The following ARHGAP24 variants were observed in gnomAD, a reference collection of about 807,000 sequenced individuals.
ARHGAP24 encodes the protein Rho GTPase activating protein 24, also known as rho GTPase-activating protein 24.
A neutral mutation model predicts 76.4 loss-of-function variants in ARHGAP24; 50 were observed. The ratio of observed to expected loss-of-function variants is 0.65; its 90% CI spans 0.52 to 0.83. The LOEUF is 0.83. ARHGAP24 is among the 40% of genes least tolerant of loss of function. ARHGAP24 has a pLI of 0.00. For synonymous variants in ARHGAP24, 345 were observed against 323.3 expected (o/e 1.07, Z -0.72); for missense variants, 930 against 914.2 (o/e 1.02, Z -0.22).
At chr4:85,538,385 T>C (rs540933336) in intron 1 of ARHGAP24, among the ~76,000 whole-genome samples, 1 of 152,350 alleles carries the variant, frequency 6.6e-6, no homozygotes, top group Admixed American at 6.5e-5. Flanking sequence ...GGTTAAATTA[T>C]ATGATATTGC....
Position 86,000,463 on chromosome 4 carries a change from C to T in ARHGAP24, c.2004-16C>T, listed in dbSNP as rs766920418. 1.1e-6 allele frequency: 1 copy of T among 942,370 alleles called. No homozygotes were observed. The highest frequency in any genetic ancestry group is 1.6e-6 in the Non-Finnish European group (1 of 638,232). 58.4% of individuals were successfully genotyped at this position (942,370 alleles called of 1,614,324 possible). On this transcript the variant is annotated splice_polypyrimidine_tract_variant and intron_variant, in intron 9 of 9. Coordinates refer to ENST00000395184, the MANE Select transcript of ARHGAP24 (RefSeq NM_001025616.3). The stretch of plus-strand genomic sequence containing the variant: ...CTTGCGTCCCCACCCCCCACCCCCC[C>T]CAACATCCTTTGTAGCTTAGAACAG...
rs149242594 is a variant in ARHGAP24, at chr4:85,543,020, C to T, written c.-20-27502C>T. On this transcript the variant is annotated intron_variant, in intron 1 of 9. Coordinates refer to ENST00000395184, the MANE Select transcript of ARHGAP24 (RefSeq NM_001025616.3). ...CGTTTGCTCTTGAAGCTGCTGCTAA[C>T]GATGCTGCTGCTAATTTTAGCTGTA... 2.5e-3 allele frequency among the ~76,000 whole-genome samples: 382 copies of T among 152,242 alleles called. 3 individuals carry two copies. The highest frequency in any genetic ancestry group is 8.8e-3 in the African/African-American group (366 of 41,558).
chr4:85,644,997 G>T (rs1359717490), intron 2 of ARHGAP24, among the ~76,000 whole-genome samples: 1 of 151,986 alleles, frequency 6.6e-6, no homozygotes, highest in East Asian at 1.9e-4. Flanking sequence ...AACGTGCTCT[G>T]TTACTTTAAA....
At chr4:85,735,678 C>G (rs1725581329) in intron 3 of ARHGAP24, among the ~76,000 whole-genome samples, 1 of 152,098 alleles carries the variant, frequency 6.6e-6, no homozygotes, top group Non-Finnish European at 1.5e-5. Flanking sequence ...AGTCTTGGTC[C>G]TCTTTGTCCT....
At chr4:85,622,158 A>T (rs557509139) in intron 2 of ARHGAP24, among the ~76,000 whole-genome samples, 17 of 151,892 alleles carry the variant, frequency 1.1e-4, no homozygotes, top group Non-Finnish European at 2.2e-4. Flanking sequence ...CAGGTTTGTT[A>T]CATATGTATA....
chr4:85,992,877 C>G (rs1035999566), intron 8 of ARHGAP24, among the ~76,000 whole-genome samples: 62 of 152,050 alleles, frequency 4.1e-4, no homozygotes, highest in African/African-American at 1.4e-3. Flanking sequence ...CTAACTTTAT[C>G]TTTAAAACTA....
intron 1 of ARHGAP24, among the ~76,000 whole-genome samples, chr4:85,533,132 G>A (rs887953928): frequency 6.6e-6 from 1 of 152,178 alleles, no homozygotes; most frequent in Non-Finnish European, 1.5e-5. Flanking sequence ...TTGGTGGAGA[G>A]TTTAAAAAGA....
intron 2 of ARHGAP24, among the ~76,000 whole-genome samples, chr4:85,703,646 A>T (rs1394476381): frequency 6.6e-6 from 1 of 152,058 alleles, no homozygotes; most frequent in African/African-American, 2.4e-5. Flanking sequence ...GCTGACCCTG[A>T]TTAGACACCA....
At chr4:85,951,448 G>C (rs149615338) in intron 5 of ARHGAP24, among the ~76,000 whole-genome samples, 1 of 152,022 alleles carries the variant, frequency 6.6e-6, no homozygotes, top group African/African-American at 2.4e-5. Context: ...GGGAACGTTC[G>C]TTAGTTCAAG....
intron 3 of ARHGAP24, among the ~76,000 whole-genome samples, chr4:85,885,686 T>C (rs2148773106): frequency 6.6e-6 from 1 of 152,236 alleles, no homozygotes; most frequent in South Asian, 2.1e-4. Flanking sequence ...ATAGTAGTTC[T>C]TGGAGTCCCA....
chr4:85,524,321 C>A (rs1724900637), intron 1 of ARHGAP24, among the ~76,000 whole-genome samples: 1 of 152,082 alleles, frequency 6.6e-6, no homozygotes, highest in Admixed American at 6.6e-5. Flanking sequence ...AGTATAACTA[C>A]TTTTTAAAAT....
chr4:85,911,730 T>C (rs1279201776), intron 3 of ARHGAP24, among the ~76,000 whole-genome samples: 1 of 152,220 alleles, frequency 6.6e-6, no homozygotes, highest in East Asian at 1.9e-4. Flanking sequence ...TTCTCATTTG[T>C]TGTAATTTTT....
At chr4:85,905,998 A>C (rs143007300) in intron 3 of ARHGAP24, among the ~76,000 whole-genome samples, 88 of 152,320 alleles carry the variant, frequency 5.8e-4, no homozygotes, top group African/African-American at 2.0e-3. Flanking sequence ...CACCAAGGTC[A>C]CTGCTAAGCT....
chr4:85,598,536 G>T (rs79647527), intron 2 of ARHGAP24, among the ~76,000 whole-genome samples: 1 of 151,946 alleles, frequency 6.6e-6, no homozygotes, highest in Non-Finnish European at 1.5e-5. Context: ...TGATCATTGT[G>T]TGATGATTCC....
intron 3 of ARHGAP24, among the ~76,000 whole-genome samples, chr4:85,818,284 G>A (rs1729327381): frequency 1.3e-5 from 2 of 152,148 alleles, no homozygotes; most frequent in South Asian, 4.2e-4. Context: ...GCCCTATCTG[G>A]GACCCCTGCC....
rs184660669 is a variant in ARHGAP24 at position 85,936,457 on chromosome 4, C to A, written c.392-5609C>A. Among the ~76,000 whole-genome samples the A allele has an allele frequency of 4.0e-3, 610 of 152,146 alleles. 5 individuals carry two copies. Among genetic ancestry groups the A allele is most frequent in the Non-Finnish European group, 6.8e-3 (462 of 67,994 alleles). On this transcript the variant is annotated intron_variant, in intron 4 of 9. Coordinates refer to ENST00000395184, the MANE Select transcript of ARHGAP24 (RefSeq NM_001025616.3). ...AATTAAAGCTTTGGAGTCCTTTATA[C>A]CTGGGACCCATCCCAGTGTGGTCCT...
chr4:85,609,143 T>G (rs755242971), intron 2 of ARHGAP24, among the ~76,000 whole-genome samples: 1 of 152,224 alleles, frequency 6.6e-6, no homozygotes, highest in African/African-American at 2.4e-5. Flanking sequence ...TATTATTTAA[T>G]AAGGATTGAA....
At chr4:85,634,087 C>G (rs1411975601) in intron 2 of ARHGAP24, among the ~76,000 whole-genome samples, 1 of 151,842 alleles carries the variant, frequency 6.6e-6, no homozygotes, top group South Asian at 2.1e-4. Context: ...TTAGCAGTCT[C>G]ATTCAACTGA....
intron 5 of ARHGAP24, among the ~76,000 whole-genome samples, chr4:85,959,295 C>T (rs1469308415): frequency 6.6e-6 from 1 of 152,092 alleles, no homozygotes; most frequent in African/African-American, 2.4e-5. Context: ...GTCTCATTGC[C>T]ATGTTGGTTT....
Sources: allele counts gnomAD v4.1 joint callset (sites outside exome capture counted in the v4.1 genomes callset), GRCh38; gene constraint gnomAD v4.1.1; transcripts MANE v1.5; gene names NCBI Gene and HGNC (gene_info 2026-07-23, HGNC 2026-07-21).